Variants in ZNF106 observed in about 807,000 individuals in gnomAD.
ZNF106 encodes the protein zinc finger protein 106, also known as SH3-domain binding protein 3.
ZNF106 carries 67 observed loss-of-function variants against 195.1 expected under a neutral mutation model. The observed-to-expected ratio is 0.34, with a 90% CI of 0.28 to 0.42. ZNF106 has a LOEUF of 0.42. ZNF106 is among the 10% of genes least tolerant of loss of function. ZNF106 has a pLI of 1.00. For missense variants in ZNF106, 2,118 were observed against 2,304.5 expected (o/e 0.92, Z 1.66); for synonymous variants, 784 against 818.6 (o/e 0.96, Z 0.72).
rs764194909 is a variant in ZNF106, at chr15:42,422,522, A to G, written c.5352T>C (p.Phe1784=). 2 of 1,613,396 alleles carry G rather than the reference A, an allele frequency of 1.2e-6. No homozygotes were observed. The highest frequency in any genetic ancestry group is 8.5e-7 in the Non-Finnish European group (1 of 1,179,886). The part of the protein sequence containing the change: ...KVMVTACLDK[F]VRVYELQSHD... Reference sequence around the variant, plus strand: ...CTACCTGTAATTCATAGACACGAACAAATTTATCCAGGCAAGCAGTCACCA... The same window carrying G: ...CTACCTGTAATTCATAGACACGAACGAATTTATCCAGGCAAGCAGTCACCA... Residue 1784 remains phenylalanine (F), a synonymous_variant, in exon 18 of 22, where the codon TTT becomes TTC. Transcript: ENST00000564754.
At chr15:42,422,073 T>A in intron 18 of ZNF106, 85 bp from the exon 19 acceptor site, 1 of 1,187,374 alleles carries the variant, frequency 8.4e-7, no homozygotes, top group Non-Finnish European at 1.2e-6. Flanking sequence ...TTGGCAGGTT[T>A]AAAACCACAC....
Position 42,482,729 on chromosome 15 carries a change from C to T in ZNF106, c.-33+8251G>A, listed in dbSNP as rs558132355. On this transcript the variant is annotated intron_variant, in intron 1 of 21. Transcript: ENST00000564754. ...TATTTTTAGTAGAGACGGGGTTTCA[C>T]CATATTGGCCAGGCTGGTCCTGAAC... Among the ~76,000 whole-genome samples the T allele has an allele frequency of 6.6e-5, 10 of 152,060 alleles. No homozygotes were observed. The South Asian group carries it at 2.1e-3, about 32-fold the overall frequency.
rs527368268 is a variant in ZNF106, at chr15:42,437,898, G to A, written c.4601-521C>T. On this transcript the variant is annotated intron_variant, in intron 12 of 21. Transcript: ENST00000564754. ...CTCCAGCCTGGGCGACAACGACTCC[G>A]TCTCAAAAAAAAAAAAAAAAAGAAA... Among the ~76,000 whole-genome samples the A allele has an allele frequency of 3.8e-3, 512 of 133,202 alleles. 2 individuals carry two copies. The highest frequency in any genetic ancestry group is 6.4e-3 in the Non-Finnish European group (406 of 63,682). The allele number at this position is 133,202 out of a possible 152,430, so 87.4% of individuals were successfully genotyped here. A position where few individuals can be genotyped will look rare whatever the true frequency, so the allele number is the denominator to read the frequency against.
intron 8 of ZNF106, 72 bp downstream of exon 8, chr15:42,444,755 A>G: frequency 6.3e-7 from 1 of 1,579,992 alleles, no homozygotes; most frequent in Non-Finnish European, 8.6e-7. Flanking sequence ...GTGACTCCAG[A>G]CATGGGTTTG....
At chr15:42,452,675 A>T (rs1452410804) in intron 4 of ZNF106, among the ~76,000 whole-genome samples, 3 of 141,860 alleles carry the variant, frequency 2.1e-5, no homozygotes, top group Non-Finnish European at 4.6e-5. Context: ...TTATAGCTAT[A>T]GTTATCTTTT....
At chr15:42,465,943 A>G (rs745760174) in intron 3 of ZNF106, 110 bp downstream of exon 3, 50 of 871,548 alleles carry the variant, frequency 5.7e-5, no homozygotes, top group Admixed American at 4.8e-4. Flanking sequence ...GTTCTACGCC[A>G]TAAGACAACA....
At chr15:42,481,968 A>C (rs2056908437) in intron 1 of ZNF106, among the ~76,000 whole-genome samples, 1 of 152,088 alleles carries the variant, frequency 6.6e-6, no homozygotes, top group Non-Finnish European at 1.5e-5. Context: ...ATTTCAATTA[A>C]ATGTGCTAGG....
intron 5 of ZNF106, 31 bp downstream of exon 5, chr15:42,449,740 G>A (rs772583580): frequency 3.8e-6 from 6 of 1,569,060 alleles, no homozygotes; most frequent in Admixed American, 1.9e-5. Context: ...AGAAAGTGAG[G>A]AAAAAAAAGA....
chr15:42,479,719 A>AT (rs1177175409), intron 1 of ZNF106, among the ~76,000 whole-genome samples: 1 of 151,394 alleles, frequency 6.6e-6, no homozygotes, highest in Non-Finnish European at 1.5e-5. Context: ...GCAGGAGCCT[A>AT]TAATCCCAGC....
intron 20 of ZNF106, among the ~76,000 whole-genome samples, chr15:42,418,620 C>G (rs1030206349): frequency 2.0e-5 from 3 of 148,138 alleles, no homozygotes; most frequent in African/African-American, 7.5e-5. Flanking sequence ...CTCAAGTGAT[C>G]CGCCCATCTT....
chr15:42,438,751 T>A, intron 11 of ZNF106, 84 bp from the exon 12 acceptor site: 1 of 1,312,768 alleles, frequency 7.6e-7, no homozygotes, highest in Non-Finnish European at 1.1e-6. Flanking sequence ...TCAAAGGATT[T>A]TTCTAAACAA....
chr15:42,450,292 C>T lies in ZNF106; in HGVS notation c.1980G>A (p.Glu660=), dbSNP rs2055948911. The T allele has an allele frequency of 6.2e-7, 1 of 1,614,142 alleles. No homozygotes were observed. The highest frequency in any genetic ancestry group is 1.1e-5 in the South Asian group (1 of 91,074). Residue 660 remains glutamate, a synonymous_variant, in exon 5 of 22, where the codon GAG becomes GAA. Transcript: ENST00000564754. ...TGGGATTACATGGGGAAGTGGATAG[C>T]TCTCTAGAAGTCTTCAGGATGCGGT... The part of the protein sequence containing the change: ...EDDRILKTSR[E]LSTSPCNPIV...
chr15:42,453,685 T>C (rs1438205007), intron 4 of ZNF106, among the ~76,000 whole-genome samples: 1 of 151,708 alleles, frequency 6.6e-6, no homozygotes, highest in African/African-American at 2.4e-5. Context: ...AACCTCTGCC[T>C]CTCGAGTTCA....
chr15:42,490,380 A>C (rs1652749748), intron 1 of ZNF106: 1 of 152,192 alleles, frequency 6.6e-6, no homozygotes, highest in Non-Finnish European at 1.5e-5. Context: ...CAAACTTCTC[A>C]ATAAGATGCC....
At chr15:42,460,716 C>T (rs990354430) in intron 3 of ZNF106, among the ~76,000 whole-genome samples, 5 of 151,964 alleles carry the variant, frequency 3.3e-5, no homozygotes, top group African/African-American at 1.2e-4. Context: ...CAAAATTAGC[C>T]GGGTGTGGTG....
At chr15:42,439,862 A>C (rs368571605) in intron 10 of ZNF106, 49 bp from the exon 11 acceptor site, 4 of 1,471,688 alleles carry the variant, frequency 2.7e-6, no homozygotes, top group Non-Finnish European at 3.6e-6. Flanking sequence ...TGTTTGCTGC[A>C]ATTTATCACT....
Position 42,459,386 on chromosome 15 carries a change from G to T in ZNF106, c.117-2228C>A, listed in dbSNP as rs1244114906. ...AGCTACTCAAGAGGCTGAGGCAGGAGAATCGCTTGAACCCAGGAGGCAGAG... is the reference window on the plus strand; with the variant it reads ...AGCTACTCAAGAGGCTGAGGCAGGATAATCGCTTGAACCCAGGAGGCAGAG... On this transcript the variant is annotated intron_variant, in intron 3 of 21. Coordinates refer to ENST00000564754, the MANE Select transcript of ZNF106 (RefSeq NM_001366845.3). Among the ~76,000 whole-genome samples, 5 of 152,200 alleles carry T rather than the reference G, an allele frequency of 3.3e-5. No homozygotes were observed. The South Asian group carries it at 8.3e-4, about 25-fold the overall frequency.
chr15:42,425,233 C>T (rs1017684393), intron 15 of ZNF106, among the ~76,000 whole-genome samples: 2 of 152,152 alleles, frequency 1.3e-5, no homozygotes, highest in Admixed American at 6.5e-5. Flanking sequence ...GGAGGGCAAA[C>T]GCTTACATTA....
chr15:42,458,633 A>G (rs767483359), intron 3 of ZNF106, among the ~76,000 whole-genome samples: 68 of 151,188 alleles, frequency 4.5e-4, no homozygotes, highest in Non-Finnish European at 8.4e-4. Context: ...GCTTGAACCC[A>G]GGAGGCAAAG....
Sources: allele counts gnomAD v4.1 joint callset (sites outside exome capture counted in the v4.1 genomes callset), GRCh38; gene constraint gnomAD v4.1.1; transcripts MANE v1.5; gene names NCBI Gene and HGNC (gene_info 2026-07-23, HGNC 2026-07-21).